Variants in OTULIN observed in about 807,000 individuals in gnomAD.
OTULIN encodes OTU deubiquitinase with linear linkage specificity, also known as ubiquitin thioesterase otulin.
A neutral mutation model predicts 39.6 loss-of-function variants in OTULIN; 15 were observed. The observed-to-expected ratio is 0.38, with a 90% CI of 0.25 to 0.58. The LOEUF is 0.58. Ranked by LOEUF, OTULIN falls within the 20% of genes least tolerant of loss-of-function variation. The pLI, the probability that OTULIN is intolerant of heterozygous loss-of-function variation, is 0.66. For missense variants in OTULIN, 319 were observed against 445.9 expected, an observed-to-expected ratio of 0.72 and a Z score of 2.56; for synonymous variants, 156 against 170.3, an observed-to-expected ratio of 0.92 and a Z score of 0.65.
intron 1 of OTULIN, among the ~76,000 whole-genome samples, chr5:14,667,205 T>G (rs1308627800): frequency 6.6e-6 from 1 of 152,206 alleles, no homozygotes; most frequent in Non-Finnish European, 1.5e-5. Context: ...TGCAGCTGAA[T>G]TAGACATTCG....
chr5:14,685,175 A>C (rs1025473120), intron 4 of OTULIN, among the ~76,000 whole-genome samples: 1 of 152,326 alleles, frequency 6.6e-6, no homozygotes, highest in African/African-American at 2.4e-5. Context: ...GTTTGCTTAG[A>C]GTGAGATAGA....
At chr5:14,709,926 T>G in the OTULIN span, 151,434 of 152,462 alleles carry the variant, frequency 0.99, 75,295 homozygotes, top group Middle Eastern at 1. Flanking sequence ...ATATTTTTTT[T>G]TTTAGGTTCT....
rs536076395 is a variant in OTULIN, at chr5:14,681,739, G to A, written c.468+132G>A. ...TCAGCATGTGCGTTTATTCAGTTTT[G>A]TGTGGCTGGGGTGATTTCACATAGT... On this transcript the variant is annotated intron_variant, in intron 4 of 6. Coordinates refer to ENST00000284274, the MANE Select transcript of OTULIN (RefSeq NM_138348.6). The A allele has an allele frequency of 6.5e-4, 703 of 1,073,352 alleles. 1 individual carries two copies. Among genetic ancestry groups the A allele is most frequent in the Non-Finnish European group, 8.6e-4 (672 of 784,958 alleles). 66.5% of individuals were successfully genotyped at this position (1,073,352 alleles called of 1,614,324 possible).
chr5:14,710,959 A>G, the OTULIN span: 1 of 507,164 alleles, frequency 2.0e-6, no homozygotes, highest in African/African-American at 1.9e-5. Flanking sequence ...AGGGGTATGA[A>G]GTCAGTTGTT....
the OTULIN span, among the ~76,000 whole-genome samples, chr5:14,716,428 G>A: frequency 1.3e-5 from 2 of 152,150 alleles, no homozygotes; most frequent in Non-Finnish European, 2.9e-5. Context: ...GGAGGCAGAG[G>A]TTGCAGTGAG....
the OTULIN span, chr5:14,707,574 T>A: frequency 6.6e-6 from 1 of 152,218 alleles, no homozygotes; most frequent in Non-Finnish European, 1.5e-5. Flanking sequence ...CTGCGACGCA[T>A]CCTGGCGTCT....
intron 1 of OTULIN, among the ~76,000 whole-genome samples, chr5:14,670,580 C>T (rs565455362): frequency 1.3e-5 from 2 of 152,162 alleles, no homozygotes; most frequent in East Asian, 1.9e-4. Flanking sequence ...AAAACTTATT[C>T]TTCGGGATTA....
At chr5:14,705,447 C>T in the OTULIN span, 1 of 152,168 alleles carries the variant, frequency 6.6e-6, no homozygotes, top group African/African-American at 2.4e-5. Context: ...TCAAGCCTCC[C>T]ATTGGACAGA....
chr5:14,682,623 A>G (rs915680515), intron 4 of OTULIN, among the ~76,000 whole-genome samples: 1 of 152,236 alleles, frequency 6.6e-6, no homozygotes, highest in Non-Finnish European at 1.5e-5. Flanking sequence ...AAAAGAAAGA[A>G]AAAGATGTTA....
chr5:14,710,929 CTT>C, the OTULIN span: 1 of 445,192 alleles, frequency 2.2e-6, no homozygotes, highest in East Asian at 4.9e-5. Flanking sequence ...GCAGCTGTGT[CTT>C]TTGGGTTTTC....
chr5:14,679,805 A>G (rs1736199947), intron 3 of OTULIN, among the ~76,000 whole-genome samples: 1 of 152,224 alleles, frequency 6.6e-6, no homozygotes, highest in Non-Finnish European at 1.5e-5. Context: ...TCTGATATGT[A>G]GATGCTTTGT....
At chr5:14,707,749 T>G in the OTULIN span, 1 of 152,222 alleles carries the variant, frequency 6.6e-6, no homozygotes, top group East Asian at 1.9e-4. Flanking sequence ...CCCCATCTGA[T>G]ACATCCTAAG....
chr5:14,690,390 C>T lies in OTULIN; in HGVS notation c.864+82C>T, dbSNP rs916891139. On this transcript the variant is annotated intron_variant, in intron 6 of 6. Coordinates refer to ENST00000284274, the MANE Select transcript of OTULIN (RefSeq NM_138348.6). This position sits in a 1 kb window ranked among gnomAD's most constrained non-coding sequence, Gnocchi z 4.5. ...ACTTGATGTCACAGTTTTTGTAGGT[C>T]AGAAATTCAGGGACAGCTTAGTTGG... The T allele has an allele frequency of 6.6e-7, 1 of 1,507,244 alleles. No individual in the cohort carries two copies. The highest frequency in any genetic ancestry group is 8.9e-7 in the Non-Finnish European group (1 of 1,117,514). The allele number at this position is 1,507,244 out of a possible 1,614,324, so 93.4% of individuals were successfully genotyped here.
chr5:14,673,759 T>C (rs1024841141), intron 2 of OTULIN, 41 bp downstream of exon 2: 10 of 1,552,646 alleles, frequency 6.4e-6, no homozygotes, highest in African/African-American at 1.4e-5. Flanking sequence ...TCTTATTGTT[T>C]ATAGCAGAAA....
chr5:14,695,053 TATCC>T lies in OTULIN; in HGVS notation c.*2006_*2009del, dbSNP rs1736631237. 1 of 152,246 alleles carries T rather than the reference TATCC, an allele frequency of 6.6e-6. No homozygotes were observed. The highest frequency in any genetic ancestry group is 2.4e-5 in the African/African-American group (1 of 41,468). The allele number at this position is 152,246 out of a possible 1,614,324, so 9.4% of individuals were successfully genotyped here. ...AATACTCATGTTAATAATAGTCATC[TATCC>T]TTGCATTTTGAAACTGTTCTAATCT... On this transcript the variant is annotated 3_prime_UTR_variant, in exon 7 of 7. Transcript: ENST00000284274.
chr5:14,713,750 C>A, the OTULIN span: 9 of 1,598,200 alleles, frequency 5.6e-6, no homozygotes. The surrounding 1 kb of genome is among the most constrained non-coding windows in gnomAD (Gnocchi z 4.4). Flanking sequence ...GCAGCACATC[C>A]GAGAGCCAGG....
intron 4 of OTULIN, among the ~76,000 whole-genome samples, chr5:14,682,198 G>A (rs1162102000): frequency 6.6e-6 from 1 of 152,222 alleles, no homozygotes; most frequent in African/African-American, 2.4e-5. Context: ...ACGGATAAAG[G>A]CATATAGTCA....
intron 3 of OTULIN, 116 bp from the exon 4 acceptor site, chr5:14,681,348 C>T (rs1440738664): frequency 2.4e-6 from 3 of 1,227,066 alleles, no homozygotes; most frequent in Non-Finnish European, 3.4e-6. Flanking sequence ...CATAAAACTC[C>T]AACTTTGGGC....
chr5:14,701,290 T>G (rs1048156576), downstream of OTULIN, among the ~76,000 whole-genome samples: 14 of 152,322 alleles, frequency 9.2e-5, no homozygotes, highest in African/African-American at 3.4e-4. Context: ...AGCTCCAGCT[T>G]CTTTCTACTG....
Sources: gnomAD v4.1 joint callset for allele counts (sites outside exome capture counted in the v4.1 genomes callset) on GRCh38, gnomAD v4.1.1 for gene constraint, Gnocchi (gnomAD v3.1) non-coding constraint, MANE v1.5 for transcripts, NCBI Gene and HGNC (gene_info 2026-07-23, HGNC 2026-07-21) for gene names.